Variants in IQCM observed in about 807,000 individuals in gnomAD.
IQCM encodes IQ motif containing M.
In IQCM, 45 loss-of-function variants were observed where a neutral mutation model predicts 57.6. That is an observed-to-expected ratio of 0.78 (90% CI 0.62 to 1.00). The LOEUF (loss-of-function observed/expected upper bound fraction) is 1.00. IQCM is among the 50% of genes least tolerant of loss of function. IQCM has a pLI of 0.00. For missense variants in IQCM, 468 were observed against 511.6 expected (o/e 0.91, Z 0.82); for synonymous variants, 148 against 158.9 (o/e 0.93, Z 0.51).
At chr4:149,718,510 A>G (rs1281912581) in intron 5 of IQCM, among the ~76,000 whole-genome samples, 2 of 152,258 alleles carry the variant, frequency 1.3e-5, no homozygotes, top group African/African-American at 4.8e-5. Context: ...CCTTTTGACA[A>G]GGAAATTATT....
At chr4:149,592,116 G>C (rs535774124) in intron 8 of IQCM, among the ~76,000 whole-genome samples, 1 of 152,244 alleles carries the variant, frequency 6.6e-6, no homozygotes, top group African/African-American at 2.4e-5. Flanking sequence ...TCCAGCACCT[G>C]CTGTTTCCTG....
At chr4:149,690,200 G>A (rs1762847408) in intron 5 of IQCM, among the ~76,000 whole-genome samples, 1 of 152,034 alleles carries the variant, frequency 6.6e-6, no homozygotes, top group South Asian at 2.1e-4. Context: ...AGAAACTGGT[G>A]TATGCATGTA....
At chr4:149,590,979 C>G (rs1325993369) in intron 8 of IQCM, among the ~76,000 whole-genome samples, 2 of 151,910 alleles carry the variant, frequency 1.3e-5, no homozygotes, top group African/African-American at 4.8e-5. Context: ...CTTCCCAGGC[C>G]AATGCATTTG....
chr4:149,684,675 C>G (rs554350517), intron 6 of IQCM, among the ~76,000 whole-genome samples: 13 of 151,246 alleles, frequency 8.6e-5, no homozygotes, highest in Non-Finnish European at 1.9e-4. Context: ...AACTCGATTT[C>G]AAAAAAAATT....
rs913751694 is a variant in IQCM, at chr4:149,733,359, G to A, written c.270C>T (p.Pro90=). The A allele has an allele frequency of 1.6e-6, 2 of 1,231,614 alleles. No individual in the cohort carries two copies. The highest frequency in any genetic ancestry group is 3.1e-5 in the African/African-American group (2 of 64,342). The allele number at this position is 1,231,614 out of a possible 1,614,324, so 76.3% of individuals were successfully genotyped here. Residue 90 remains proline, a synonymous_variant, in exon 5 of 14, where the codon CCC becomes CCT. Coordinates refer to ENST00000636793, the MANE Select transcript of IQCM (RefSeq NM_001363507.2). ...GATGCTCGCTTTTGGAAAGCTCCTT[G>A]GGAAAGCAAATCCTTCTGAGTGCGG... ...HRAALRRICF[P]KELSKSEHLQ... is the part of the protein sequence containing the mutation.
chr4:149,538,189 A>T (rs1186671812), intron 12 of IQCM, among the ~76,000 whole-genome samples: 1 of 151,752 alleles, frequency 6.6e-6, no homozygotes, highest in Non-Finnish European at 1.5e-5. Context: ...ATAAAACTAT[A>T]TTGCTAGGCT....
intron 12 of IQCM, among the ~76,000 whole-genome samples, chr4:149,490,018 T>C (rs1741924468): frequency 6.6e-6 from 1 of 152,026 alleles, no homozygotes; most frequent in South Asian, 2.1e-4. Flanking sequence ...TCTCTGATTT[T>C]GCATTTTACT....
chr4:149,471,254 CA>C (rs1739504820), intron 12 of IQCM, among the ~76,000 whole-genome samples: 1 of 152,048 alleles, frequency 6.6e-6, no homozygotes, highest in Non-Finnish European at 1.5e-5. Context: ...AGAGAAGAAT[CA>C]AATAGACACT....
intron 5 of IQCM, among the ~76,000 whole-genome samples, chr4:149,717,297 T>G (rs1053862847): frequency 6.6e-6 from 1 of 152,080 alleles, no homozygotes; most frequent in Admixed American, 6.5e-5. Context: ...TCCAGGTACA[T>G]AGTGTCAGAT....
At chr4:149,722,260 T>A (rs1765512815) in intron 5 of IQCM, among the ~76,000 whole-genome samples, 1 of 152,104 alleles carries the variant, frequency 6.6e-6, no homozygotes, top group South Asian at 2.1e-4. Context: ...TTTACTCTGT[T>A]GAATATTTCC....
intron 2 of IQCM, among the ~76,000 whole-genome samples, chr4:149,743,384 A>C (rs1022311426): frequency 3.3e-5 from 5 of 152,070 alleles, no homozygotes; most frequent in African/African-American, 9.7e-5. Flanking sequence ...TATGTTGTCC[A>C]TGCCTCTCCC....
intron 7 of IQCM, among the ~76,000 whole-genome samples, chr4:149,652,211 C>T (rs1759248075): frequency 2.0e-5 from 3 of 152,014 alleles, no homozygotes; most frequent in Admixed American, 2.0e-4. Flanking sequence ...ACAGCAAACA[C>T]TTCATGTTCT....
intron 2 of IQCM, among the ~76,000 whole-genome samples, chr4:149,782,845 GCT>G (rs1771735289): frequency 6.6e-6 from 1 of 151,996 alleles, no homozygotes. Flanking sequence ...TTCTCACTTG[GCT>G]CCTAGGATTC....
chr4:149,442,587 G>A (rs1390628864), intron 12 of IQCM, among the ~76,000 whole-genome samples: 9 of 151,890 alleles, frequency 5.9e-5, no homozygotes, highest in South Asian at 4.1e-4. Flanking sequence ...ATCTCTTCTC[G>A]TCCAGTTACC....
At chr4:149,549,636 C>T (rs1027772995) in intron 11 of IQCM, among the ~76,000 whole-genome samples, 14 of 152,282 alleles carry the variant, frequency 9.2e-5, no homozygotes, top group African/African-American at 2.6e-4. Flanking sequence ...TTACATTTAA[C>T]CCCATGAATT....
intron 13 of IQCM, among the ~76,000 whole-genome samples, chr4:149,381,639 A>G (rs1399168585): frequency 6.6e-6 from 1 of 152,068 alleles, no homozygotes; most frequent in Non-Finnish European, 1.5e-5. Context: ...TTCTGAGTGC[A>G]GTTTTTCCTA....
chr4:149,689,416 G>C (rs1485011293), intron 5 of IQCM, among the ~76,000 whole-genome samples: 1 of 151,984 alleles, frequency 6.6e-6, no homozygotes, highest in African/African-American at 2.4e-5. Flanking sequence ...TGGGGGATGG[G>C]AGAACATTAG....
chr4:149,438,334 A>C (rs1735571984), intron 12 of IQCM, among the ~76,000 whole-genome samples: 1 of 152,098 alleles, frequency 6.6e-6, no homozygotes, highest in Non-Finnish European at 1.5e-5. Context: ...TTAATGCATA[A>C]TATTTAATAA....
chr4:149,411,892 T>C (rs1211052657), intron 13 of IQCM, among the ~76,000 whole-genome samples: 2 of 152,200 alleles, frequency 1.3e-5, no homozygotes, highest in South Asian at 2.1e-4. Context: ...TGAGCCCAGA[T>C]TGTTCTTTTT....
Sources: allele counts gnomAD v4.1 joint callset (sites outside exome capture counted in the v4.1 genomes callset), GRCh38; gene constraint gnomAD v4.1.1; transcripts MANE v1.5; gene names NCBI Gene and HGNC (gene_info 2026-07-23, HGNC 2026-07-21).